SLC35D4: variants seen among roughly 807,000 people sequenced by gnomAD.
SLC35D4 encodes the protein UDP-N-acetylglucosamine transporter SLC35D4.
chr18:23,377,816 A>T, the SLC35D4 span: 1 of 683,332 alleles, frequency 1.5e-6, no homozygotes, highest in Non-Finnish European at 2.2e-6. Context: ...GTATTTATTG[A>T]GGCTTTTTCT....
At chr18:23,298,303 G>T in the SLC35D4 span, among the ~76,000 whole-genome samples, 11 of 152,314 alleles carry the variant, frequency 7.2e-5, no homozygotes, top group East Asian at 2.1e-3. Context: ...CTTCCCTTGG[G>T]GAAGAAGGTG....
At chr18:23,239,176 T>C in the SLC35D4 span, among the ~76,000 whole-genome samples, 4 of 152,260 alleles carry the variant, frequency 2.6e-5, no homozygotes, top group Admixed American at 6.5e-5. Flanking sequence ...ATACAACTTT[T>C]CCTCCTTAGA....
chr18:23,428,028 G>A, the SLC35D4 span, among the ~76,000 whole-genome samples: 1 of 152,108 alleles, frequency 6.6e-6, no homozygotes, highest in Non-Finnish European at 1.5e-5. Context: ...ATGGGTTGGG[G>A]GGAGAGGGGA....
chr18:23,253,966 G>A, the SLC35D4 span: 7 of 1,589,854 alleles, frequency 4.4e-6, no homozygotes, highest in Admixed American at 6.7e-5. Context: ...GTGGCTGGAG[G>A]AGCACATGCT....
chr18:23,370,318 G>T, the SLC35D4 span: 1 of 1,576,294 alleles, frequency 6.3e-7, no homozygotes, highest in Non-Finnish European at 8.7e-7. Flanking sequence ...GGAGCTGCTG[G>T]CCTGTCCGGG....
At chr18:23,321,947 G>C in the SLC35D4 span, among the ~76,000 whole-genome samples, 1 of 152,290 alleles carries the variant, frequency 6.6e-6, no homozygotes, top group African/African-American at 2.4e-5. Context: ...GTAATTGATG[G>C]TAATGACTAT....
chr18:23,356,702 G>T, the SLC35D4 span: 1 of 1,598,742 alleles, frequency 6.3e-7, no homozygotes, highest in Non-Finnish European at 8.6e-7. This position sits in a 1 kb window ranked among gnomAD's most constrained non-coding sequence, Gnocchi z 4.1. Context: ...GACCCATGAG[G>T]CCTCACATGA....
At chr18:23,253,256 G>A in the SLC35D4 span, among the ~76,000 whole-genome samples, 5 of 152,220 alleles carry the variant, frequency 3.3e-5, no homozygotes, top group Non-Finnish European at 5.9e-5. Flanking sequence ...GCCGAAGTGG[G>A]CGGATCACCT....
the SLC35D4 span, among the ~76,000 whole-genome samples, chr18:23,353,076 A>AGTGCGTGTGTGTGTGTGT: frequency 1.6e-5 from 2 of 126,524 alleles, no homozygotes; most frequent in Non-Finnish European, 3.3e-5. Flanking sequence ...TGAGACAGAC[A>AGTGCGTGTGTGTGTGTGT]GTGTGTGTGT....
the SLC35D4 span, among the ~76,000 whole-genome samples, chr18:23,246,265 CAAAAA>C: frequency 3.6e-5 from 5 of 140,740 alleles, no homozygotes; most frequent in South Asian, 2.2e-4. Flanking sequence ...GACTCCATCT[CAAAAA>C]AAAAAAAGAA....
chr18:23,335,966 G>A, the SLC35D4 span, among the ~76,000 whole-genome samples: 1 of 152,000 alleles, frequency 6.6e-6, no homozygotes, highest in Admixed American at 6.6e-5. Flanking sequence ...CAAGTCAGAA[G>A]TTGTGAAACA....
chr18:23,334,960 G>A, the SLC35D4 span, among the ~76,000 whole-genome samples: 372 of 151,902 alleles, frequency 2.4e-3, 1 homozygote, highest in African/African-American at 8.6e-3. Context: ...AGCTGAGATC[G>A]CGCCACTGCA....
At chr18:23,356,961 T>C in the SLC35D4 span, among the ~76,000 whole-genome samples, 1 of 152,240 alleles carries the variant, frequency 6.6e-6, no homozygotes, top group African/African-American at 2.4e-5. The surrounding 1 kb of genome is among the most constrained non-coding windows in gnomAD (Gnocchi z 4.1). Flanking sequence ...GAGGTTCTAT[T>C]GTGCCCATTT....
At chr18:23,371,550 G>A in the SLC35D4 span, 1 of 1,174,022 alleles carries the variant, frequency 8.5e-7, no homozygotes. Context: ...CAGAAAACCT[G>A]TCATCAATGC....
the SLC35D4 span, among the ~76,000 whole-genome samples, chr18:23,298,853 C>T: frequency 6.6e-6 from 1 of 152,190 alleles, no homozygotes; most frequent in Non-Finnish European, 1.5e-5. Context: ...AGACCCTTTC[C>T]TTCCCTTCCT....
the SLC35D4 span, among the ~76,000 whole-genome samples, chr18:23,308,223 G>A: frequency 1.3e-5 from 2 of 152,162 alleles, no homozygotes; most frequent in Non-Finnish European, 2.9e-5. Flanking sequence ...GAAGGCATCC[G>A]GGCCGAAGTG....
chr18:23,389,319 A>AT, the SLC35D4 span, among the ~76,000 whole-genome samples: 1 of 152,162 alleles, frequency 6.6e-6, no homozygotes, highest in African/African-American at 2.4e-5. Flanking sequence ...CAGTGTGAGA[A>AT]TGGACTAATA....
the SLC35D4 span, among the ~76,000 whole-genome samples, chr18:23,396,363 T>G: frequency 6.6e-6 from 1 of 152,174 alleles, no homozygotes; most frequent in Non-Finnish European, 1.5e-5. Flanking sequence ...ACCAGCATAT[T>G]GATGCCTGTT....
At chr18:23,351,144 C>A in the SLC35D4 span, among the ~76,000 whole-genome samples, 5 of 152,176 alleles carry the variant, frequency 3.3e-5, no homozygotes, top group African/African-American at 9.7e-5. Flanking sequence ...CAGTGGCTCA[C>A]ACCTGTAATC....
Sources: gnomAD v4.1 joint callset for allele counts (sites outside exome capture counted in the v4.1 genomes callset) on GRCh38, gnomAD v4.1.1 for gene constraint, Gnocchi (gnomAD v3.1) non-coding constraint, MANE v1.5 for transcripts, NCBI Gene and HGNC (gene_info 2026-07-23, HGNC 2026-07-21) for gene names.